The following CCDC93 variants were observed in gnomAD, a reference collection of about 807,000 sequenced individuals.
CCDC93 encodes the protein CCC complex scaffolding subunit CCDC93.
In CCDC93, 61 loss-of-function variants were observed where a neutral mutation model predicts 108.2. The ratio of observed to expected loss-of-function variants is 0.56; its 90% CI spans 0.46 to 0.70. CCDC93 has a LOEUF of 0.70. Ranked by LOEUF, CCDC93 falls within the 30% of genes least tolerant of loss-of-function variation. The pLI, the probability that CCDC93 is intolerant of heterozygous loss-of-function variation, is 0.00. For synonymous variants in CCDC93, 276 were observed against 260.4 expected (o/e 1.06, Z -0.58); for missense variants, 685 against 764.2 (o/e 0.90, Z 1.22).
chr2:117,957,587 C>T (rs1003000770), intron 12 of CCDC93, among the ~76,000 whole-genome samples: 1 of 152,194 alleles, frequency 6.6e-6, no homozygotes, highest in Non-Finnish European at 1.5e-5. Flanking sequence ...TCATGCCACT[C>T]CCCTATTTAA....
intron 3 of CCDC93, among the ~76,000 whole-genome samples, chr2:118,004,422 A>G (rs1676805592): frequency 6.6e-6 from 1 of 152,240 alleles, no homozygotes; most frequent in African/African-American, 2.4e-5. Flanking sequence ...CAAGGCCTCA[A>G]TTGGGCACAT....
chr2:117,953,728 C>CAA (rs11310138), intron 12 of CCDC93, among the ~76,000 whole-genome samples: 70,123 of 131,824 alleles, frequency 0.53, 19,374 homozygotes, highest in East Asian at 0.85. Context: ...CTGCTGTCTC[C>CAA]AAAAAAAAAA....
chr2:117,955,453 A>G (rs375618001), intron 12 of CCDC93, among the ~76,000 whole-genome samples: 2 of 152,216 alleles, frequency 1.3e-5, no homozygotes, highest in South Asian at 2.1e-4. Context: ...AATAGTTTCT[A>G]GCAAAATCAA....
chr2:117,986,979 C>T (rs1291830732), intron 6 of CCDC93, among the ~76,000 whole-genome samples: 2 of 145,260 alleles, frequency 1.4e-5, no homozygotes, highest in Non-Finnish European at 3.0e-5. Context: ...TGCTATTGTA[C>T]TTAGTTACAA....
rs184362916 is a variant in CCDC93, at chr2:117,949,762, G to A, written c.1069-367C>T. 194 of 985,096 alleles carry A rather than the reference G, an allele frequency of 2.0e-4. 1 individual carries two copies. The highest frequency in any genetic ancestry group is 2.2e-4 in the Non-Finnish European group (185 of 829,812). The allele number at this position is 985,096 out of a possible 1,614,324, so 61.0% of individuals were successfully genotyped here. A position where few individuals can be genotyped will look rare whatever the true frequency, so the allele number is the denominator to read the frequency against. ...GGTCTAGTTGAAAATAGTAGACTAA[G>A]CACAACTTGCAGCCACCCCTTCTTG... On this transcript the variant is annotated intron_variant, in intron 13 of 23. Coordinates refer to ENST00000376300, the MANE Select transcript of CCDC93 (RefSeq NM_019044.5).
intron 20 of CCDC93, among the ~76,000 whole-genome samples, chr2:117,937,889 A>G (rs1678572562): frequency 6.6e-6 from 1 of 152,148 alleles, no homozygotes. Context: ...CTTCCCAAGG[A>G]GCACCCTCTA....
chr2:117,952,374 T>G lies in CCDC93; in HGVS notation c.1067A>C (p.Glu356Ala). Residue 356 changes from glutamate (E) to alanine (A), a missense_variant and splice_region_variant, in exon 13 of 24, where the codon GAG becomes GCG. By Grantham distance (107) the Glu-to-Ala change is moderately radical. Transcript: ENST00000376300. ...AAGAAGGAGAATCTATCTGCTCACC[T>G]CTGTCAGCGTTTTCTTGGCTTCATT... ...RYNEAKKTLTELKTYSEKLDK... is the reference protein window; with the variant it reads ...RYNEAKKTLTALKTYSEKLDK... The G allele has an allele frequency of 2.5e-6, 4 of 1,606,980 alleles. No homozygotes were observed. Among genetic ancestry groups the G allele is most frequent in the Non-Finnish European group, 3.4e-6 (4 of 1,173,384 alleles).
At position 117,917,311 on chromosome 2, in the gene CCDC93, T is replaced by A. The variant is rs1440561876; in HGVS notation, c.*3032A>T. 6.5e-6 allele frequency: 1 copy of A among 152,732 alleles called. No individual in the cohort carries two copies. Among genetic ancestry groups the A allele is most frequent in the African/African-American group, 2.4e-5 (1 of 41,454 alleles). The allele number at this position is 152,732 out of a possible 1,614,324, so 9.5% of individuals were successfully genotyped here. On this transcript the variant is annotated 3_prime_UTR_variant, in exon 24 of 24. Coordinates refer to ENST00000376300, the MANE Select transcript of CCDC93 (RefSeq NM_019044.5). ...TCAACAACGTCACAACCCTGAGGTC[T>A]GAGGTCCCGGGCATGGCACTTTGTG...
At chr2:117,980,439 G>A (rs1008000812) in intron 7 of CCDC93, among the ~76,000 whole-genome samples, 2 of 152,086 alleles carry the variant, frequency 1.3e-5, no homozygotes, top group Non-Finnish European at 2.9e-5. Flanking sequence ...GGGACTTCAC[G>A]GATTTTCCAA....
At chr2:117,997,216 C>A (rs926911240) in intron 4 of CCDC93, 1 of 152,224 alleles carries the variant, frequency 6.6e-6, no homozygotes, top group Non-Finnish European at 1.5e-5. Flanking sequence ...TAAAACACCA[C>A]CCTGCAGAAG....
chr2:118,013,695 G>C (rs1294200415), intron 1 of CCDC93, among the ~76,000 whole-genome samples: 2 of 151,992 alleles, frequency 1.3e-5, no homozygotes, highest in Non-Finnish European at 2.9e-5. Flanking sequence ...AGCAGGTGTC[G>C]GGCTAGGAAG....
chr2:117,981,870 CT>C (rs1435614566), intron 7 of CCDC93, among the ~76,000 whole-genome samples: 2 of 152,106 alleles, frequency 1.3e-5, no homozygotes, highest in Non-Finnish European at 2.9e-5. Context: ...AACAAACTAA[CT>C]TTCAAGAACA....
rs140188021 is a variant in CCDC93, at chr2:117,989,247, C to T, written c.520-3178G>A. Among the ~76,000 whole-genome samples, 1,167 of 152,284 alleles carry T rather than the reference C, an allele frequency of 7.7e-3. 15 individuals carry two copies. Among genetic ancestry groups the T allele is most frequent in the Non-Finnish European group, 8.6e-3 (587 of 68,012 alleles). ...CAAGCCACTGGGGCTCTTCATAGGTCTCTGACCACAGACTCCCCCCTGTGT... is the reference window on the plus strand; with the variant it reads ...CAAGCCACTGGGGCTCTTCATAGGTTTCTGACCACAGACTCCCCCCTGTGT... On this transcript the variant is annotated intron_variant, in intron 6 of 23. Coordinates refer to ENST00000376300, the MANE Select transcript of CCDC93 (RefSeq NM_019044.5).
chr2:118,000,759 A>G (rs1680820605), intron 4 of CCDC93, 62 bp downstream of exon 4: 1 of 1,087,558 alleles, frequency 9.2e-7, no homozygotes, highest in African/African-American at 1.5e-5. Flanking sequence ...TTACAGGACA[A>G]GCCAGGCCCA....
chr2:117,980,167 A>G (rs548865942), intron 7 of CCDC93, among the ~76,000 whole-genome samples: 1 of 152,294 alleles, frequency 6.6e-6, no homozygotes, highest in Non-Finnish European at 1.5e-5. Flanking sequence ...AGTATCCTGG[A>G]GCTCCAGTTC....
intron 13 of CCDC93, 107 bp downstream of exon 13, chr2:117,952,266 C>T (rs552755561): frequency 3.0e-5 from 24 of 796,566 alleles, no homozygotes; most frequent in Admixed American, 1.5e-4. Context: ...AGAACAGGAT[C>T]GTGTCTCCCA....
chr2:117,944,122 AG>A (rs1473324861), intron 17 of CCDC93, 36 bp from the exon 18 acceptor site: 1 of 1,485,222 alleles, frequency 6.7e-7, no homozygotes. Flanking sequence ...ATCTGGGAAT[AG>A]AAAACTTTCA....
intron 6 of CCDC93, among the ~76,000 whole-genome samples, chr2:117,993,471 C>T (rs1003331683): frequency 6.7e-6 from 1 of 148,768 alleles, no homozygotes; most frequent in Admixed American, 6.7e-5. Flanking sequence ...TTAATGTGTA[C>T]TTACTGTTTT....
chr2:118,005,232 T>C (rs1676831035), intron 3 of CCDC93, among the ~76,000 whole-genome samples: 1 of 152,106 alleles, frequency 6.6e-6, no homozygotes, highest in Admixed American at 6.5e-5. Context: ...CCATATTCCC[T>C]AAGGATATCG....
Sources: gnomAD v4.1 joint callset for allele counts (sites outside exome capture counted in the v4.1 genomes callset) on GRCh38, gnomAD v4.1.1 for gene constraint, MANE v1.5 for transcripts, NCBI Gene and HGNC (gene_info 2026-07-23, HGNC 2026-07-21) for gene names.